Variants in PCDHGB1 observed in about 807,000 individuals in gnomAD.
PCDHGB1 encodes the protein protocadherin gamma subfamily B, 1.
Under a neutral mutation model 56.6 loss-of-function variants are expected in PCDHGB1, and 34 were observed. That is an observed-to-expected ratio of 0.60 (90% confidence interval 0.46 to 0.80). PCDHGB1 has a LOEUF of 0.80. Among genes scored for constraint, PCDHGB1 ranks in the 30% least tolerant of loss-of-function variants. The probability of loss-of-function intolerance (pLI) is 0.00; values close to 1 mark genes in which losing one functional copy is unlikely to be tolerated. For synonymous variants in PCDHGB1, 561 were observed against 505.9 expected, an observed-to-expected ratio of 1.11 and a Z score of -1.46; for missense variants, 1,278 against 1,204.6, an observed-to-expected ratio of 1.06 and a Z score of -0.90.
intron 1 of PCDHGB1, chr5:141,385,038 G>C (rs377185831): frequency 4.3e-6 from 7 of 1,614,138 alleles, no homozygotes; most frequent in Non-Finnish European, 5.9e-6. Flanking sequence ...TACTGCTGGC[G>C]CTCAGGCTGC....
chr5:141,374,385 G>A (rs1588739577), intron 1 of PCDHGB1: 3 of 1,614,026 alleles, frequency 1.9e-6, no homozygotes, highest in African/African-American at 1.3e-5. Flanking sequence ...CAGAGCCCGC[G>A]GTGTCTGGTG....
Position 141,431,344 on chromosome 5 carries a change from G to T in PCDHGB1, c.2410-63463G>T. On this transcript the variant is annotated intron_variant, in intron 1 of 3. Coordinates refer to ENST00000523390, the MANE Select transcript of PCDHGB1 (RefSeq NM_018922.3). This position sits in a 1 kb window ranked among gnomAD's most constrained non-coding sequence, Gnocchi z 4.8. ...ACGGTAGTAAGTACCCCGAATTGGT[G>T]CTGAAACGCGCCCTGGACCGCGAAG... 1 of 1,614,078 alleles carries T rather than the reference G, an allele frequency of 6.2e-7. No individual in the cohort carries two copies. The highest frequency in any genetic ancestry group is 1.3e-5 in the African/African-American group (1 of 75,068).
Position 141,491,410 on chromosome 5 carries a change from GA to G in PCDHGB1, c.2410-3396del. 1 of 1,614,142 alleles carries G rather than the reference GA, an allele frequency of 6.2e-7. No homozygotes were observed. The highest frequency in any genetic ancestry group is 8.5e-7 in the Non-Finnish European group (1 of 1,180,034). On this transcript the variant is annotated intron_variant, in intron 1 of 3. Coordinates refer to ENST00000523390, the MANE Select transcript of PCDHGB1 (RefSeq NM_018922.3). This position sits in a 1 kb window ranked among gnomAD's most constrained non-coding sequence, Gnocchi z 6.9. ...GTGCCTTCAGGGAAACGCAGACGGG[GA>G]CGGGGGTGGAGGGCAGTGCTGCAGG...
Position 141,511,072 on chromosome 5 carries a change from A to C in PCDHGB1, c.2683A>C (p.Ser895Arg). The C allele has an allele frequency of 6.2e-7, 1 of 1,614,252 alleles. No individual in the cohort carries two copies. Among genetic ancestry groups the C allele is most frequent in the Non-Finnish European group, 8.5e-7 (1 of 1,180,034 alleles). Residue 895 changes from serine to arginine, a missense_variant, in exon 4 of 4, where the codon AGC (serine) becomes CGC (arginine). Ser to Arg is a moderately radical substitution (Grantham distance 110). Coordinates refer to ENST00000523390, the MANE Select transcript of PCDHGB1 (RefSeq NM_018922.3). ...CCGCCAGAATGTCTACATCCCAGGC[A>C]GCAATGCCACACTGACCAACGCAGC... ...DYRQNVYIPG[S>R]NATLTNAAGK...
chr5:141,461,429 T>A lies in PCDHGB1; in HGVS notation c.2410-33378T>A, dbSNP rs193056679. On this transcript the variant is annotated intron_variant, in intron 1 of 3. Coordinates refer to ENST00000523390, the MANE Select transcript of PCDHGB1 (RefSeq NM_018922.3). The stretch of plus-strand genomic sequence containing the variant: ...TTTTCATATGTTTGTGGGCCATTTG[T>A]ATACCTTCTTTTGAGAAATGGCTAT... Among the ~76,000 whole-genome samples the A allele has an allele frequency of 5.6e-4, 85 of 152,328 alleles. 1 individual carries two copies. The highest frequency in any genetic ancestry group is 1.5e-3 in the African/African-American group (64 of 41,580).
chr5:141,497,326 T>C (rs1021730142), intron 2 of PCDHGB1, among the ~76,000 whole-genome samples: 1 of 152,060 alleles, frequency 6.6e-6, no homozygotes, highest in Non-Finnish European at 1.5e-5. Flanking sequence ...TGAAGCAGAA[T>C]TCACCATTGA....
At chr5:141,471,309 C>T (rs140651182) in intron 1 of PCDHGB1, 8,212 of 152,202 alleles carry the variant, frequency 0.054, 462 homozygotes, top group African/African-American at 0.15. Flanking sequence ...ACTCGGCCTC[C>T]CAAAGTGCTG....
intron 1 of PCDHGB1, chr5:141,360,561 T>A: frequency 6.2e-7 from 1 of 1,613,992 alleles, no homozygotes; most frequent in South Asian, 1.1e-5. Context: ...ATTTAAAAAT[T>A]GGCGAATCCA....
At position 141,383,491 on chromosome 5, in the gene PCDHGB1, C is replaced by T. The variant is rs116533786; in HGVS notation, c.2409+30822C>T. The T allele has an allele frequency of 1.9e-6, 3 of 1,613,000 alleles. No individual in the cohort carries two copies. The highest frequency in any genetic ancestry group is 2.5e-6 in the Non-Finnish European group (3 of 1,179,496). On this transcript the variant is annotated intron_variant, in intron 1 of 3. Coordinates refer to ENST00000523390, the MANE Select transcript of PCDHGB1 (RefSeq NM_018922.3). Reference sequence around the variant, plus strand: ...TAAGTACCCGGAACTGGTGCTGGAGCGGGTGCTGGACCGGGAGGAAGAGCG... The same window carrying T: ...TAAGTACCCGGAACTGGTGCTGGAGTGGGTGCTGGACCGGGAGGAAGAGCG...
At chr5:141,457,098 T>G (rs1179930043) in intron 1 of PCDHGB1, among the ~76,000 whole-genome samples, 1 of 152,242 alleles carries the variant, frequency 6.6e-6, no homozygotes, top group Non-Finnish European at 1.5e-5. Flanking sequence ...AGGATACTAA[T>G]TAAGCAAAAT....
At chr5:141,364,371 T>G in intron 1 of PCDHGB1, 1 of 1,572,068 alleles carries the variant, frequency 6.4e-7, no homozygotes, top group South Asian at 1.2e-5. Flanking sequence ...GGAGAGCTGC[T>G]GCTGCCCTTC....
rs951964805 is a variant in PCDHGB1, at chr5:141,512,109, C to A, written c.*936C>A. The A allele has an allele frequency of 1.0e-4, 16 of 152,656 alleles. No individual in the cohort carries two copies. The highest frequency in any genetic ancestry group is 1.5e-5 in the Non-Finnish European group (1 of 68,058). 9.5% of individuals were successfully genotyped at this position (152,656 alleles called of 1,614,324 possible). Reference sequence around the variant, plus strand: ...ACCAATAACTAGGCTGGACCCTTCCCACTACATAATAGGGCTCAGCCCAGG... The same window carrying A: ...ACCAATAACTAGGCTGGACCCTTCCAACTACATAATAGGGCTCAGCCCAGG... On this transcript the variant is annotated 3_prime_UTR_variant, in exon 4 of 4. Coordinates refer to ENST00000523390, the MANE Select transcript of PCDHGB1 (RefSeq NM_018922.3).
intron 1 of PCDHGB1, among the ~76,000 whole-genome samples, chr5:141,437,926 T>C (rs1374182368): frequency 2.6e-5 from 4 of 152,058 alleles, no homozygotes; most frequent in Admixed American, 1.3e-4. Context: ...TTAGTAGAGA[T>C]GGGGTTTCAC....
intron 1 of PCDHGB1, chr5:141,419,829 C>G (rs748734266): frequency 6.2e-7 from 1 of 1,614,072 alleles, no homozygotes; most frequent in Admixed American, 1.7e-5. Flanking sequence ...CTTTCAGCCA[C>G]TGCCACGCTG....
intron 1 of PCDHGB1, chr5:141,388,637 T>C (rs993746447): frequency 6.2e-7 from 1 of 1,613,880 alleles, no homozygotes; most frequent in Non-Finnish European, 8.5e-7. Flanking sequence ...GGGTGAGCCT[T>C]TCAGAAAACG....
chr5:141,421,307 T>C, intron 1 of PCDHGB1: 10 of 1,613,674 alleles, frequency 6.2e-6, no homozygotes, highest in Non-Finnish European at 8.5e-6. Context: ...CTGCGGGGGT[T>C]CCGGGCCAGG....
rs760597498 is a variant in PCDHGB1 at position 141,350,693 on chromosome 5, C to A, written c.433C>A (p.Pro145Thr). Residue 145 changes from proline to threonine, a missense_variant, in exon 1 of 4, where the codon CCC becomes ACC. Physicochemically the swap from Pro to Thr is conservative, Grantham distance 38. Coordinates refer to ENST00000523390, the MANE Select transcript of PCDHGB1 (RefSeq NM_018922.3). ...CTTAGAAATTTGTGAGTCAGCCTTA[C>A]CCGGGGTAAAATTCTCTCTGGATTC... ...IDLEICESAL[P>T]GVKFSLDSAQ... The A allele has an allele frequency of 3.7e-6, 6 of 1,613,390 alleles. No homozygotes were observed. In the African/African-American group the frequency reaches 8.0e-5, roughly 22 times the overall value.
At chr5:141,501,871 C>T (rs562714939) in intron 2 of PCDHGB1, among the ~76,000 whole-genome samples, 3 of 152,244 alleles carry the variant, frequency 2.0e-5, no homozygotes, top group African/African-American at 7.2e-5. Context: ...CAGGACGCCT[C>T]CTTACACTCC....
At chr5:141,402,882 G>A in intron 1 of PCDHGB1, 1 of 1,479,680 alleles carries the variant, frequency 6.8e-7, no homozygotes, top group South Asian at 1.4e-5. Context: ...TACTTTGCAG[G>A]GTGGAAGAAA....
Sources: gnomAD v4.1 joint callset for allele counts (sites outside exome capture counted in the v4.1 genomes callset) on GRCh38, gnomAD v4.1.1 for gene constraint, Gnocchi (gnomAD v3.1) non-coding constraint, MANE v1.5 for transcripts, NCBI Gene and HGNC (gene_info 2026-07-23, HGNC 2026-07-21) for gene names.